Variants in PTPRJ observed in about 807,000 individuals in gnomAD.
The protein encoded by PTPRJ is protein tyrosine phosphatase receptor type J.
PTPRJ carries 129 observed loss-of-function variants against 141.3 expected under a neutral mutation model. That is an observed-to-expected ratio of 0.91 (90% confidence interval 0.79 to 1.06). The LOEUF is 1.06. Ranked by LOEUF, PTPRJ falls within the 50% of genes least tolerant of loss-of-function variation. The pLI is 0.00. For missense variants in PTPRJ, 1,601 were observed against 1,679.7 expected (o/e 0.95, Z 0.82); for synonymous variants, 610 against 640.5 (o/e 0.95, Z 0.72).
At chr11:48,161,920 C>T (rs1857792368) in intron 22 of PTPRJ, among the ~76,000 whole-genome samples, 1 of 152,134 alleles carries the variant, frequency 6.6e-6, no homozygotes, top group African/African-American at 2.4e-5. Context: ...GCCTGTCATG[C>T]TTATTTCTAT....
intron 1 of PTPRJ, among the ~76,000 whole-genome samples, chr11:48,080,847 T>C (rs1855538857): frequency 6.6e-6 from 1 of 152,224 alleles, no homozygotes. Context: ...CCTTGGGCCC[T>C]AAGGCCAAGA....
chr11:48,123,983 G>A, intron 5 of PTPRJ, 113 bp downstream of exon 5: 1 of 1,251,654 alleles, frequency 8.0e-7, no homozygotes, highest in Non-Finnish European at 1.1e-6. Context: ...AATTTATAAA[G>A]GGCTTTTCCT....
At position 47,980,781 on chromosome 11, in the gene PTPRJ, G is replaced by GC; in HGVS notation, c.-132_-131insC. 1 of 1,030,612 alleles carries GC rather than the reference G, an allele frequency of 9.7e-7. No individual in the cohort carries two copies. 63.8% of individuals were successfully genotyped at this position (1,030,612 alleles called of 1,614,324 possible). ...GGGGAAGCCCGGGGCGGGCGGAGCGGGGACGAGGCGGACCGGCTGGCGGAG... is the reference window on the plus strand; with the variant it reads ...GGGGAAGCCCGGGGCGGGCGGAGCGGCGGACGAGGCGGACCGGCTGGCGGAG... On this transcript the variant is annotated 5_prime_UTR_variant, in exon 1 of 25. Coordinates refer to ENST00000418331, the MANE Select transcript of PTPRJ (RefSeq NM_002843.4).
rs66504227 is a variant in PTPRJ, at chr11:48,035,538, C to CTTTTTTTTTTTTTTTTTT, written c.96+54540_96+54557dup. Among the ~76,000 whole-genome samples, 213 of 61,760 alleles carry CTTTTTTTTTTTTTTTTTT rather than the reference C, an allele frequency of 3.4e-3. 1 individual carries two copies. Among genetic ancestry groups the CTTTTTTTTTTTTTTTTTT allele is most frequent in the Non-Finnish European group, 5.1e-3 (172 of 33,822 alleles). 40.5% of individuals were successfully genotyped at this position (61,760 alleles called of 152,430 possible). A position where few individuals can be genotyped will look rare whatever the true frequency, so the allele number is the denominator to read the frequency against. On this transcript the variant is annotated intron_variant, in intron 1 of 24. Transcript: ENST00000418331. ...TTTCTTTTCTTTTTTCTTTCTTCTT[C>CTTTTTTTTTTTTTTTTTT]TTTTTTTTTTTTTTTTTTTTTTTTT...
chr11:48,022,769 T>C (rs75703320), intron 1 of PTPRJ, among the ~76,000 whole-genome samples: 1 of 152,206 alleles, frequency 6.6e-6, no homozygotes, highest in African/African-American at 2.4e-5. Context: ...CATTTTTGGA[T>C]TTTGGTTTGT....
chr11:48,118,842 C>T (rs1215892266), intron 3 of PTPRJ, among the ~76,000 whole-genome samples: 2 of 151,876 alleles, frequency 1.3e-5, no homozygotes, highest in Non-Finnish European at 2.9e-5. Context: ...TAGTTCTTAA[C>T]ACATTTCTCC....
chr11:48,149,489 G>A lies in PTPRJ; in HGVS notation c.3041+1G>A. 1 of 1,491,864 alleles carries A rather than the reference G, an allele frequency of 6.7e-7. No homozygotes were observed. Among genetic ancestry groups the A allele is most frequent in the Non-Finnish European group, 9.2e-7 (1 of 1,084,422 alleles). The allele number at this position is 1,491,864 out of a possible 1,614,324, so 92.4% of individuals were successfully genotyped here. On this transcript the variant is annotated splice_donor_variant, in intron 16 of 24. Transcript: ENST00000418331. LOFTEE classifies it high-confidence loss of function. Reference sequence around the variant, plus strand: ...ATGAAGTGTCCTTTTCTCAAATTAAGTAAGTCTCTCAAATTATGAGCTTTA... The same window carrying A: ...ATGAAGTGTCCTTTTCTCAAATTAAATAAGTCTCTCAAATTATGAGCTTTA...
chr11:47,993,678 G>A (rs1453014733), intron 1 of PTPRJ, among the ~76,000 whole-genome samples: 1 of 152,084 alleles, frequency 6.6e-6, no homozygotes, highest in African/African-American at 2.4e-5. Context: ...GGGTGACTCA[G>A]CTCAGCCCTG....
intron 8 of PTPRJ, chr11:48,132,453 A>G (rs548869595): frequency 2.0e-6 from 2 of 983,250 alleles, no homozygotes; most frequent in East Asian, 1.1e-4. Context: ...CCTAGAGAGT[A>G]ATGTTCATTA....
intron 1 of PTPRJ, among the ~76,000 whole-genome samples, chr11:47,990,788 C>T (rs1252691791): frequency 6.6e-6 from 1 of 151,146 alleles, no homozygotes; most frequent in East Asian, 1.9e-4. Context: ...CGGGTTCACG[C>T]CGTTCTCCTG....
intron 4 of PTPRJ, 111 bp downstream of exon 4, chr11:48,121,377 A>T: frequency 8.3e-7 from 1 of 1,203,704 alleles, no homozygotes; most frequent in Non-Finnish European, 1.2e-6. Context: ...TTCATAAACT[A>T]GAAGAGGAGA....
intron 1 of PTPRJ, among the ~76,000 whole-genome samples, chr11:47,988,747 GTCC>G (rs768314135): frequency 3.1e-4 from 47 of 152,148 alleles, no homozygotes; most frequent in Admixed American, 1.6e-3. Context: ...TTGTCAGGTT[GTCC>G]TCCAAAAGTG....
chr11:48,085,840 C>T (rs976247566), intron 1 of PTPRJ, among the ~76,000 whole-genome samples: 1 of 152,166 alleles, frequency 6.6e-6, no homozygotes, highest in Non-Finnish European at 1.5e-5. Flanking sequence ...TATTCAGTAG[C>T]CCTATGTCAG....
intron 6 of PTPRJ, among the ~76,000 whole-genome samples, chr11:48,126,811 CACACACACAGAT>C (rs1239966115): frequency 8.5e-5 from 11 of 128,756 alleles, no homozygotes; most frequent in African/African-American, 3.8e-4. Flanking sequence ...CACACACACA[CACACACACAGAT>C]AAACACACAT....
At chr11:48,027,328 C>G (rs1009966717) in intron 1 of PTPRJ, among the ~76,000 whole-genome samples, 2 of 151,424 alleles carry the variant, frequency 1.3e-5, no homozygotes, top group Admixed American at 6.6e-5. Context: ...TAAAATATAG[C>G]CAGAAAGGGC....
At chr11:48,006,144 G>A (rs755174147) in intron 1 of PTPRJ, among the ~76,000 whole-genome samples, 16 of 152,230 alleles carry the variant, frequency 1.1e-4, no homozygotes, top group Non-Finnish European at 1.9e-4. Context: ...AAGACTTCGA[G>A]TTAGGAGAGT....
intron 3 of PTPRJ, among the ~76,000 whole-genome samples, chr11:48,118,032 A>G (rs1275196273): frequency 6.6e-6 from 1 of 152,244 alleles, no homozygotes; most frequent in African/African-American, 2.4e-5. Flanking sequence ...GAATAATCCA[A>G]TAATGAGTTA....
chr11:48,105,831 C>CT (rs916329100), intron 1 of PTPRJ, among the ~76,000 whole-genome samples: 29 of 152,090 alleles, frequency 1.9e-4, no homozygotes, highest in African/African-American at 7.0e-4. Flanking sequence ...AGTGGGTGCC[C>CT]TTGGTCTCCA....
At chr11:48,036,888 C>A (rs1854138961) in intron 1 of PTPRJ, among the ~76,000 whole-genome samples, 1 of 152,172 alleles carries the variant, frequency 6.6e-6, no homozygotes, top group Non-Finnish European at 1.5e-5. Context: ...TGGTTTGCTC[C>A]AGAATTGTAT....
Sources: gnomAD v4.1 joint callset for allele counts (sites outside exome capture counted in the v4.1 genomes callset) on GRCh38, gnomAD v4.1.1 for gene constraint, MANE v1.5 for transcripts, NCBI Gene and HGNC (gene_info 2026-07-23, HGNC 2026-07-21) for gene names.